The following ABLIM1 variants were observed in gnomAD, a reference collection of about 807,000 sequenced individuals.
The protein encoded by ABLIM1 is actin-binding LIM protein 1.
In ABLIM1, 40 loss-of-function variants were observed where a neutral mutation model predicts 107.0. That is an observed-to-expected ratio of 0.37 (90% CI 0.29 to 0.49). The LOEUF is 0.49. ABLIM1 is among the 20% of genes least tolerant of loss of function. The pLI is 0.97. For synonymous variants in ABLIM1, 357 were observed against 357.3 expected (o/e 1.00, Z 0.01); for missense variants, 857 against 1,008.5 (o/e 0.85, Z 2.04).
At chr10:114,780,951 G>T in the ABLIM1 span, among the ~76,000 whole-genome samples, 4 of 152,148 alleles carry the variant, frequency 2.6e-5, no homozygotes, top group African/African-American at 9.7e-5. Flanking sequence ...GGAAGAAGTA[G>T]AAAGCAATTG....
chr10:114,724,728 G>T (rs1193564210), intron 1 of ABLIM1, among the ~76,000 whole-genome samples: 1 of 152,178 alleles, frequency 6.6e-6, no homozygotes, highest in Non-Finnish European at 1.5e-5. Flanking sequence ...CTTTCACAAA[G>T]ACTTTCCAAG....
At chr10:114,452,455 T>C (rs1487548538) in intron 13 of ABLIM1, among the ~76,000 whole-genome samples, 1 of 152,092 alleles carries the variant, frequency 6.6e-6, no homozygotes, top group Non-Finnish European at 1.5e-5. Flanking sequence ...TCAATTAAAC[T>C]TTTTTAGAAA....
chr10:114,703,907 T>C (rs893652053), intron 1 of ABLIM1, among the ~76,000 whole-genome samples: 1 of 152,126 alleles, frequency 6.6e-6, no homozygotes, highest in African/African-American at 2.4e-5. Flanking sequence ...TGAGCTTCAC[T>C]CCTTTTCAGC....
intron 2 of ABLIM1, among the ~76,000 whole-genome samples, chr10:114,576,372 A>G (rs2072548109): frequency 6.6e-6 from 1 of 152,212 alleles, no homozygotes; most frequent in Non-Finnish European, 1.5e-5. Context: ...CTGACAGTAA[A>G]GATCTCTCTC....
intron 6 of ABLIM1, among the ~76,000 whole-genome samples, chr10:114,523,490 C>T (rs575144624): frequency 6.6e-6 from 1 of 152,248 alleles, no homozygotes; most frequent in Non-Finnish European, 1.5e-5. Flanking sequence ...GGGTCAGACC[C>T]TATGGTTAGT....
chr10:114,453,232 A>T, intron 13 of ABLIM1, 147 bp downstream of exon 13: 1 of 754,714 alleles, frequency 1.3e-6, no homozygotes, highest in Non-Finnish European at 2.2e-6. Flanking sequence ...AACTTTTGAA[A>T]GGCCCCCTAG....
chr10:114,474,632 C>T (rs901739051), intron 8 of ABLIM1, among the ~76,000 whole-genome samples: 2 of 152,070 alleles, frequency 1.3e-5, no homozygotes, highest in South Asian at 2.1e-4. Context: ...TGCCCGCCTC[C>T]ACCTCCCCAA....
At position 114,548,009 on chromosome 10, in the gene ABLIM1, G is replaced by A. The variant is rs995204429; in HGVS notation, c.674-233C>T. 3.3e-4 allele frequency among the ~76,000 whole-genome samples: 50 copies of A among 152,196 alleles called. 1 individual carries two copies. The highest frequency in any genetic ancestry group is 2.4e-3 in the Admixed American group (36 of 15,280). On this transcript the variant is annotated intron_variant, in intron 4 of 22. Coordinates refer to ENST00000533213, the MANE Select transcript of ABLIM1 (RefSeq NM_002313.7). ...TCATGAACCTCCGTGGATCTACGGGGACGGATGTCCTTCACCCATCTGCTT... is the reference window on the plus strand; with the variant it reads ...TCATGAACCTCCGTGGATCTACGGGAACGGATGTCCTTCACCCATCTGCTT...
chr10:114,520,247 G>A (rs1351331698), intron 6 of ABLIM1, among the ~76,000 whole-genome samples: 3 of 152,184 alleles, frequency 2.0e-5, no homozygotes, highest in Non-Finnish European at 4.4e-5. Context: ...TTTATATGTC[G>A]ACAAGGGCTT....
rs753542135 is a variant in ABLIM1 at position 114,441,723 on chromosome 10, C to G, written c.1997G>C (p.Arg666Pro). 3 of 1,613,028 alleles carry G rather than the reference C, an allele frequency of 1.9e-6. No homozygotes were observed. The highest frequency in any genetic ancestry group is 2.7e-5 in the African/African-American group (2 of 74,876). Residue 666 changes from arginine to proline, a missense_variant and splice_region_variant, in exon 18 of 23, where the codon CGG becomes CCG. Physicochemically the swap from Arg to Pro is moderately radical, Grantham distance 103. Coordinates refer to ENST00000533213, the MANE Select transcript of ABLIM1 (RefSeq NM_002313.7). ...CAATGAATCGGGGAGAAATCTTACC[C>G]GGTGAAGCCCATTTCTTCCATAGCC... ...LPGYGRNGLHRPVSTDFAQYN... is the reference protein window; with the variant it reads ...LPGYGRNGLHPPVSTDFAQYN...
chr10:114,564,502 A>G (rs547024936), intron 4 of ABLIM1, among the ~76,000 whole-genome samples: 1 of 151,146 alleles, frequency 6.6e-6, no homozygotes, highest in South Asian at 2.1e-4. Context: ...CAAACTCCTG[A>G]CCTCATGATC....
At chr10:114,632,864 C>A in intron 1 of ABLIM1, 1 of 860,414 alleles carries the variant, frequency 1.2e-6, no homozygotes, top group Non-Finnish European at 1.4e-6. Flanking sequence ...CAGGATCAGC[C>A]TAAGCCTGAC....
In ABLIM1 at chr10:114,514,298, C is replaced by CA. The variant is rs56189382; in HGVS notation, c.895-22421dup. 5.0e-3 allele frequency among the ~76,000 whole-genome samples: 595 copies of CA among 119,974 alleles called. 1 individual carries two copies. The highest frequency in any genetic ancestry group is 0.012 in the South Asian group (44 of 3,818). 78.7% of individuals were successfully genotyped at this position (119,974 alleles called of 152,430 possible). A position where few individuals can be genotyped will look rare whatever the true frequency, so the allele number is the denominator to read the frequency against. ...TGGGTGACAGAGCGAGACTCTGTCT[C>CA]AAAAAAAAAAAAAAAATAAAGTGAA... On this transcript the variant is annotated intron_variant, in intron 6 of 22. Transcript: ENST00000533213.
At chr10:114,515,335 T>C (rs1269760478) in intron 6 of ABLIM1, among the ~76,000 whole-genome samples, 1 of 152,166 alleles carries the variant, frequency 6.6e-6, no homozygotes, top group East Asian at 1.9e-4. Context: ...GTGAATGGTC[T>C]AGAGCTGGAG....
intron 1 of ABLIM1, among the ~76,000 whole-genome samples, chr10:114,697,832 T>C (rs944651165): frequency 6.6e-5 from 10 of 152,236 alleles, no homozygotes; most frequent in Non-Finnish European, 1.2e-4. Context: ...CTTAGGGTTT[T>C]AAAAGATCAT....
intron 1 of ABLIM1, among the ~76,000 whole-genome samples, chr10:114,708,426 A>G (rs532522789): frequency 1.8e-4 from 28 of 152,192 alleles, no homozygotes; most frequent in Non-Finnish European, 3.1e-4. Flanking sequence ...GGCAAGGAGC[A>G]TGGAGGAAGG....
intron 1 of ABLIM1, among the ~76,000 whole-genome samples, chr10:114,696,712 T>C (rs974165249): frequency 6.6e-6 from 1 of 152,210 alleles, no homozygotes; most frequent in Non-Finnish European, 1.5e-5. Context: ...CTGCCATGAT[T>C]GTGAGGCCTC....
chr10:114,549,634 T>C (rs572236594), intron 4 of ABLIM1, among the ~76,000 whole-genome samples: 1 of 152,314 alleles, frequency 6.6e-6, no homozygotes, highest in South Asian at 2.1e-4. Context: ...TCTACAAATA[T>C]ATTTGCAAAA....
chr10:114,501,357 G>A (rs1173645396), intron 6 of ABLIM1, among the ~76,000 whole-genome samples: 1 of 152,164 alleles, frequency 6.6e-6, no homozygotes, highest in East Asian at 1.9e-4. Flanking sequence ...CAGGCCTCAG[G>A]AGCTCAGTTA....
Sources: allele counts gnomAD v4.1 joint callset (sites outside exome capture counted in the v4.1 genomes callset), GRCh38; gene constraint gnomAD v4.1.1; transcripts MANE v1.5; gene names NCBI Gene and HGNC (gene_info 2026-07-23, HGNC 2026-07-21).